Variants in GABRB1 observed in about 807,000 individuals in gnomAD.
GABRB1 encodes the protein gamma-aminobutyric acid type A receptor subunit beta1.
GABRB1 carries 17 observed loss-of-function variants against 51.6 expected under a neutral mutation model. The ratio of observed to expected loss-of-function variants is 0.33; its 90% CI spans 0.23 to 0.49. GABRB1 has a LOEUF of 0.49. Ranked by LOEUF, GABRB1 falls within the 20% of genes least tolerant of loss-of-function variation. The pLI is 0.99. For synonymous variants in GABRB1, 247 were observed against 218.9 expected (o/e 1.13, Z -1.14); for missense variants, 410 against 600.6 (o/e 0.68, Z 3.32).
chr4:47,248,537 G>A (rs187289383), intron 4 of GABRB1, among the ~76,000 whole-genome samples: 61 of 152,034 alleles, frequency 4.0e-4, no homozygotes, highest in African/African-American at 1.3e-3. Context: ...ATTAGAGAGG[G>A]TTCTTTCTTT....
At chr4:47,126,563 TCAA>T (rs1716153654) in intron 3 of GABRB1, among the ~76,000 whole-genome samples, 2 of 152,098 alleles carry the variant, frequency 1.3e-5, no homozygotes, top group South Asian at 4.1e-4. Flanking sequence ...CAAGTACACC[TCAA>T]CAAAGCTAGA....
chr4:47,170,543 C>T (rs1718397175), intron 4 of GABRB1, among the ~76,000 whole-genome samples: 1 of 151,908 alleles, frequency 6.6e-6, no homozygotes. Flanking sequence ...ACAGACTTTC[C>T]CTGTAGAGAA....
intron 4 of GABRB1, among the ~76,000 whole-genome samples, chr4:47,213,197 T>C (rs1288701112): frequency 6.6e-6 from 1 of 152,180 alleles, no homozygotes; most frequent in East Asian, 1.9e-4. Flanking sequence ...AAAGATAATT[T>C]TGTATGCTTA....
At chr4:47,179,326 G>A (rs1718846421) in intron 4 of GABRB1, among the ~76,000 whole-genome samples, 1 of 152,098 alleles carries the variant, frequency 6.6e-6, no homozygotes, top group Admixed American at 6.6e-5. Flanking sequence ...TCTTTATCCA[G>A]TCTATCATTG....
intron 4 of GABRB1, among the ~76,000 whole-genome samples, chr4:47,192,924 A>G (rs1719501443): frequency 6.6e-6 from 1 of 152,182 alleles, no homozygotes; most frequent in African/African-American, 2.4e-5. Flanking sequence ...TACAGATGAG[A>G]AAACTGACAT....
At chr4:47,003,151 C>A (rs1724282300) in intron 1 of GABRB1, among the ~76,000 whole-genome samples, 1 of 152,178 alleles carries the variant, frequency 6.6e-6, no homozygotes. Flanking sequence ...AGCTTTCAGT[C>A]CTCCATGTAT....
At chr4:47,152,594 T>G (rs1717508339) in intron 3 of GABRB1, among the ~76,000 whole-genome samples, 2 of 151,944 alleles carry the variant, frequency 1.3e-5, no homozygotes, top group African/African-American at 2.4e-5. Flanking sequence ...ATAGCTGTGT[T>G]TTTCCTTGAG....
chr4:47,068,035 C>T lies in GABRB1; in HGVS notation c.240+35551C>T, dbSNP rs1366700538. On this transcript the variant is annotated intron_variant, in intron 3 of 8. Transcript: ENST00000295454. ...GAGGATAATGGCTTCTAGCTTCATC[C>T]GTGTCTCTGAAAAGGAAATGTCATT... Among the ~76,000 whole-genome samples the T allele has an allele frequency of 3.9e-5, 6 of 152,082 alleles. No homozygotes were observed. In the East Asian group the frequency reaches 1.2e-3, roughly 29 times the overall value.
chr4:47,236,809 A>G (rs981808369), intron 4 of GABRB1, among the ~76,000 whole-genome samples: 2 of 152,140 alleles, frequency 1.3e-5, no homozygotes, highest in Admixed American at 1.3e-4. Context: ...ATTTAATTTT[A>G]TATTGTTTCT....
chr4:47,289,995 G>T (rs1212469759), intron 4 of GABRB1, among the ~76,000 whole-genome samples: 1 of 152,200 alleles, frequency 6.6e-6, no homozygotes, highest in Non-Finnish European at 1.5e-5. Flanking sequence ...AGTGAGAAAT[G>T]CTGACTCTTC....
At chr4:47,126,976 G>A (rs970574408) in intron 3 of GABRB1, among the ~76,000 whole-genome samples, 1 of 151,656 alleles carries the variant, frequency 6.6e-6, no homozygotes, top group Non-Finnish European at 1.5e-5. Context: ...GATAGATGAG[G>A]TACTAAAAAT....
At chr4:47,027,683 CAT>C (rs1725144662), upstream of GABRB1, among the ~76,000 whole-genome samples, 2 of 151,336 alleles carry the variant, frequency 1.3e-5, no homozygotes, top group Admixed American at 1.3e-4. Flanking sequence ...ATAAAAATAA[CAT>C]GAGATTTTTA....
chr4:47,259,338 A>G (rs887767731), intron 4 of GABRB1, among the ~76,000 whole-genome samples: 6 of 152,296 alleles, frequency 3.9e-5, no homozygotes, highest in Admixed American at 3.9e-4. Flanking sequence ...AGAAAAGAAA[A>G]TAAAAAATAA....
intron 4 of GABRB1, among the ~76,000 whole-genome samples, chr4:47,316,733 T>C (rs994840663): frequency 6.6e-6 from 1 of 151,950 alleles, no homozygotes; most frequent in Non-Finnish European, 1.5e-5. Flanking sequence ...GGTGATTTCT[T>C]GGCACAGGGG....
intron 3 of GABRB1, among the ~76,000 whole-genome samples, chr4:47,039,733 A>G (rs1334802285): frequency 3.3e-5 from 5 of 152,212 alleles, no homozygotes; most frequent in Admixed American, 6.5e-5. Flanking sequence ...ATTTCCACAC[A>G]GAAGAAAGGG....
chr4:46,993,664 A>C (rs1011518533), upstream of GABRB1: 14 of 516,932 alleles, frequency 2.7e-5, no homozygotes, highest in African/African-American at 3.9e-5. Context: ...ATGTAGAGCT[A>C]TGTATACCGC....
intron 4 of GABRB1, among the ~76,000 whole-genome samples, chr4:47,185,498 G>A (rs1577983061): frequency 6.6e-6 from 1 of 151,636 alleles, no homozygotes; most frequent in African/African-American, 2.4e-5. Context: ...CAAATCCAAA[G>A]GTCAACATCC....
At chr4:47,070,955 T>C (rs1359252101) in intron 3 of GABRB1, among the ~76,000 whole-genome samples, 1 of 152,172 alleles carries the variant, frequency 6.6e-6, no homozygotes, top group Non-Finnish European at 1.5e-5. Context: ...CTAATACGCA[T>C]CTCAAATTTA....
intron 4 of GABRB1, among the ~76,000 whole-genome samples, chr4:47,187,362 C>G (rs1485811034): frequency 6.6e-6 from 1 of 151,856 alleles, no homozygotes; most frequent in Admixed American, 6.6e-5. Context: ...AATCCTGGAA[C>G]CAACTGCATT....
Sources: allele counts gnomAD v4.1 joint callset (sites outside exome capture counted in the v4.1 genomes callset), GRCh38; gene constraint gnomAD v4.1.1; transcripts MANE v1.5; gene names NCBI Gene and HGNC (gene_info 2026-07-23, HGNC 2026-07-21).